The following MEIKIN variants were observed in gnomAD, a reference collection of about 807,000 sequenced individuals.
The protein encoded by MEIKIN is meiosis-specific kinetochore protein.
chr5:131,898,964 C>T (rs1164265314), intron 8 of MEIKIN, among the ~76,000 whole-genome samples: 1 of 152,164 alleles, frequency 6.6e-6, no homozygotes, highest in African/African-American at 2.4e-5. Flanking sequence ...TGAGATGAAC[C>T]AGGTACTTCA....
rs74914145 is a variant in MEIKIN, at chr5:131,857,626, C to T, written c.775-2792G>A. On this transcript the variant is annotated intron_variant, in intron 9 of 12. Transcript: ENST00000442687. ...TAGCTCCTTCACTAGCAGACCATGCCTCACCGTCAGAGAGCTCCCGCTGAC... is the reference window on the plus strand; with the variant it reads ...TAGCTCCTTCACTAGCAGACCATGCTTCACCGTCAGAGAGCTCCCGCTGAC... 4.7e-3 allele frequency among the ~76,000 whole-genome samples: 713 copies of T among 152,310 alleles called. 8 individuals carry two copies. Among genetic ancestry groups the T allele is most frequent in the African/African-American group, 0.016 (677 of 41,564 alleles).
intron 12 of MEIKIN, among the ~76,000 whole-genome samples, chr5:131,812,510 G>A (rs1163601979): frequency 2.0e-5 from 3 of 152,302 alleles, no homozygotes; most frequent in East Asian, 1.9e-4. Context: ...CTATTAAGGC[G>A]AAGAATTAGG....
At chr5:131,938,172 T>G (rs1751813819) in intron 4 of MEIKIN, among the ~76,000 whole-genome samples, 1 of 148,852 alleles carries the variant, frequency 6.7e-6, no homozygotes, top group South Asian at 2.2e-4. Flanking sequence ...CCCCTTTTTT[T>G]TTTTTTTTTT....
chr5:131,920,246 C>T (rs925236715), intron 6 of MEIKIN, among the ~76,000 whole-genome samples: 4 of 152,154 alleles, frequency 2.6e-5, no homozygotes, highest in African/African-American at 4.8e-5. Flanking sequence ...CATGAGTCTA[C>T]ACTGAATAAG....
At chr5:131,885,722 C>A (rs1028639271) in intron 8 of MEIKIN, among the ~76,000 whole-genome samples, 9 of 152,144 alleles carry the variant, frequency 5.9e-5, no homozygotes, top group African/African-American at 2.2e-4. Context: ...CAGACACCAA[C>A]AAACATCTAC....
At chr5:131,936,845 A>T (rs1751787223) in intron 4 of MEIKIN, among the ~76,000 whole-genome samples, 1 of 152,210 alleles carries the variant, frequency 6.6e-6, no homozygotes, top group African/African-American at 2.4e-5. Flanking sequence ...TACTGGTATT[A>T]CAGGCATGAA....
At chr5:131,934,866 GC>G (rs1415344134) in intron 4 of MEIKIN, among the ~76,000 whole-genome samples, 1 of 151,692 alleles carries the variant, frequency 6.6e-6, no homozygotes, top group African/African-American at 2.4e-5. Flanking sequence ...GACCATCCTG[GC>G]CAACATGGTG....
chr5:131,907,790 T>C (rs965585817), intron 8 of MEIKIN, among the ~76,000 whole-genome samples: 3 of 152,060 alleles, frequency 2.0e-5, no homozygotes, highest in African/African-American at 7.2e-5. Flanking sequence ...GAGAGTCACT[T>C]GAACCCGGGA....
intron 9 of MEIKIN, among the ~76,000 whole-genome samples, chr5:131,866,247 C>A (rs1014651308): frequency 2.4e-4 from 37 of 152,318 alleles, no homozygotes; most frequent in Middle Eastern, 3.4e-3. Flanking sequence ...GTGGTAGTGG[C>A]AGGTTGATTG....
At chr5:131,811,389 T>G (rs943155656) in intron 12 of MEIKIN, among the ~76,000 whole-genome samples, 4 of 151,978 alleles carry the variant, frequency 2.6e-5, no homozygotes, top group African/African-American at 9.7e-5. Context: ...GGAGTCTCAC[T>G]CTGTCATCCA....
At chr5:131,943,623 T>G (rs1261852012) in intron 3 of MEIKIN, among the ~76,000 whole-genome samples, 6 of 152,228 alleles carry the variant, frequency 3.9e-5, no homozygotes, top group Non-Finnish European at 8.8e-5. Context: ...ACTGGTCATT[T>G]TTTTTAAAGC....
intron 8 of MEIKIN, among the ~76,000 whole-genome samples, chr5:131,907,785 T>C (rs1254744069): frequency 6.6e-6 from 1 of 151,450 alleles, no homozygotes; most frequent in Non-Finnish European, 1.5e-5. Flanking sequence ...GGCAAGAGAG[T>C]CACTTGAACC....
chr5:131,817,712 A>G (rs1294084042), intron 12 of MEIKIN, among the ~76,000 whole-genome samples: 1 of 152,166 alleles, frequency 6.6e-6, no homozygotes, highest in East Asian at 1.9e-4. Context: ...TCAAATGAGT[A>G]GCACTGAATT....
At chr5:131,904,429 A>G (rs1031766992) in intron 8 of MEIKIN, among the ~76,000 whole-genome samples, 3 of 152,218 alleles carry the variant, frequency 2.0e-5, no homozygotes, top group African/African-American at 7.2e-5. Context: ...AATCTTCAGC[A>G]AATTTCAAAA....
At chr5:131,820,074 C>CT (rs138803335) in intron 11 of MEIKIN, among the ~76,000 whole-genome samples, 85,449 of 112,774 alleles carry the variant, frequency 0.76, 32,647 homozygotes, top group Middle Eastern at 0.85. Context: ...CGCGCCCGGC[C>CT]TTTTTTTTTT....
chr5:131,909,352 T>C (rs955174317), intron 8 of MEIKIN, among the ~76,000 whole-genome samples: 1 of 152,168 alleles, frequency 6.6e-6, no homozygotes, highest in Non-Finnish European at 1.5e-5. Flanking sequence ...CTTGGAAAAC[T>C]GGATAGCTAC....
At chr5:131,845,727 G>T (rs1479122480) in intron 11 of MEIKIN, among the ~76,000 whole-genome samples, 1 of 151,932 alleles carries the variant, frequency 6.6e-6, no homozygotes, top group African/African-American at 2.4e-5. Context: ...ATAGGACAAT[G>T]AATCTATTTA....
chr5:131,858,535 T>C (rs959359732), intron 9 of MEIKIN, among the ~76,000 whole-genome samples: 1 of 152,128 alleles, frequency 6.6e-6, no homozygotes, highest in Non-Finnish European at 1.5e-5. Context: ...AAAGATTTCA[T>C]GAGGAAGATG....
chr5:131,933,381 G>A (rs551724099), intron 5 of MEIKIN, 132 bp downstream of exon 5: 3 of 378,138 alleles, frequency 7.9e-6, no homozygotes, highest in Non-Finnish European at 9.4e-6. Context: ...ACGGGTAATG[G>A]TCAGGGAAGT....
Sources: gnomAD v4.1 joint callset for allele counts (sites outside exome capture counted in the v4.1 genomes callset) on GRCh38, gnomAD v4.1.1 for gene constraint, MANE v1.5 for transcripts, NCBI Gene and HGNC (gene_info 2026-07-23, HGNC 2026-07-21) for gene names.